The following SLC8A1 variants were observed in gnomAD, a reference collection of about 807,000 sequenced individuals.
SLC8A1 encodes sodium/calcium exchanger 1.
Under a neutral mutation model 68.3 loss-of-function variants are expected in SLC8A1, and 18 were observed. The ratio of observed to expected loss-of-function variants is 0.26; its 90% CI spans 0.18 to 0.39. SLC8A1 has a LOEUF of 0.39. Among genes scored for constraint, SLC8A1 ranks in the 10% least tolerant of loss-of-function variants. The pLI, the probability that SLC8A1 is intolerant of heterozygous loss-of-function variation, is 1.00. For missense variants in SLC8A1, 985 were observed against 1,156.7 expected (o/e 0.85, Z 2.15); for synonymous variants, 475 against 415.5 (o/e 1.14, Z -1.74).
chr2:40,216,416 T>G (rs1425178334), intron 2 of SLC8A1, among the ~76,000 whole-genome samples: 1 of 152,206 alleles, frequency 6.6e-6, no homozygotes, highest in Non-Finnish European at 1.5e-5. Flanking sequence ...GATGGGCATT[T>G]GTATTGGCTC....
At chr2:40,141,330 A>G (rs1197803560) in intron 6 of SLC8A1, among the ~76,000 whole-genome samples, 2 of 152,122 alleles carry the variant, frequency 1.3e-5, no homozygotes, top group Admixed American at 6.5e-5. Flanking sequence ...GAAAACATCT[A>G]AAGAGGAATG....
In SLC8A1 at chr2:40,492,503, T is replaced by G. The variant is rs530864561; in HGVS notation, c.-25+19846A>C. Among the ~76,000 whole-genome samples the G allele has an allele frequency of 1.1e-4, 16 of 151,916 alleles. No individual in the cohort carries two copies. In the East Asian group the frequency reaches 3.1e-3, roughly 29 times the overall value. On this transcript the variant is annotated intron_variant, in intron 1 of 7. Coordinates refer to the SLC8A1 transcript ENST00000402441. ...GCCAAAATTGACAAATGGGATCTAA[T>G]TAAACTAAAGAGCTTCTGCACAGCA...
chr2:40,500,268 A>G (rs533969719), intron 1 of SLC8A1, among the ~76,000 whole-genome samples: 3 of 152,130 alleles, frequency 2.0e-5, no homozygotes, highest in Admixed American at 1.3e-4. Context: ...TTTCCACTCT[A>G]TCTATGGACC....
intron 2 of SLC8A1, among the ~76,000 whole-genome samples, chr2:40,268,304 C>G (rs1404723397): frequency 6.6e-6 from 1 of 152,126 alleles, no homozygotes; most frequent in Non-Finnish European, 1.5e-5. Context: ...AAGTGAAATT[C>G]CTGAAAATGG....
At chr2:40,144,815 T>C (rs1035149233) in intron 6 of SLC8A1, among the ~76,000 whole-genome samples, 2 of 152,176 alleles carry the variant, frequency 1.3e-5, no homozygotes, top group African/African-American at 4.8e-5. Context: ...AATTTTATCA[T>C]ATGCATTTGA....
At chr2:40,396,364 T>C (rs1024112843) in intron 2 of SLC8A1, among the ~76,000 whole-genome samples, 21 of 152,156 alleles carry the variant, frequency 1.4e-4, no homozygotes, top group Admixed American at 1.4e-3. Flanking sequence ...TACGGTTACA[T>C]GAATCTATGA....
chr2:40,401,230 T>C (rs747327068), intron 2 of SLC8A1, among the ~76,000 whole-genome samples: 1 of 152,188 alleles, frequency 6.6e-6, no homozygotes, highest in African/African-American at 2.4e-5. Flanking sequence ...CCAAACACCA[T>C]CTACTTTCAG....
chr2:40,196,045 A>T (rs189254625), intron 2 of SLC8A1: 1,973 of 151,634 alleles, frequency 0.013, 14 homozygotes, highest in Non-Finnish European at 0.022. Context: ...ATGTCTTTCA[A>T]CTTGAAGGAG....
intron 7 of SLC8A1, among the ~76,000 whole-genome samples, chr2:40,123,942 T>G (rs1229270249): frequency 6.6e-6 from 1 of 152,238 alleles, no homozygotes; most frequent in Non-Finnish European, 1.5e-5. Context: ...TTCTCCTCCC[T>G]TCCCAATAAT....
chr2:40,133,290 T>C (rs2039766691), intron 7 of SLC8A1, among the ~76,000 whole-genome samples: 4 of 152,070 alleles, frequency 2.6e-5, no homozygotes. Context: ...TCAAGTTCTT[T>C]CTATGGAATT....
At chr2:40,450,119 T>C (rs1368805590) in intron 1 of SLC8A1, among the ~76,000 whole-genome samples, 1 of 152,150 alleles carries the variant, frequency 6.6e-6, no homozygotes, top group Admixed American at 6.5e-5. Context: ...GAGCTAGTTT[T>C]CCCTTCCTTC....
intron 2 of SLC8A1, among the ~76,000 whole-genome samples, chr2:40,368,182 C>T (rs1437709460): frequency 1.3e-5 from 2 of 152,018 alleles, no homozygotes; most frequent in South Asian, 2.1e-4. Context: ...CTAAGGACCA[C>T]TCATGGTTTG....
chr2:40,451,684 C>G (rs1221730412), intron 1 of SLC8A1, among the ~76,000 whole-genome samples: 1 of 151,736 alleles, frequency 6.6e-6, no homozygotes, highest in African/African-American at 2.4e-5. Context: ...CGAGCAATTT[C>G]ACTCTGGGAA....
At chr2:40,248,901 T>G (rs1363489556) in intron 2 of SLC8A1, among the ~76,000 whole-genome samples, 1 of 152,194 alleles carries the variant, frequency 6.6e-6, no homozygotes, top group East Asian at 1.9e-4. Flanking sequence ...CTTGTGATCA[T>G]AATTTCAGAA....
intron 2 of SLC8A1, among the ~76,000 whole-genome samples, chr2:40,389,751 T>C (rs1479659699): frequency 6.6e-6 from 1 of 151,660 alleles, no homozygotes; most frequent in African/African-American, 2.4e-5. Context: ...GTTTAAATTA[T>C]GAGAAATTGT....
chr2:40,203,806 A>G, intron 2 of SLC8A1, among the ~76,000 whole-genome samples: 1 of 151,906 alleles, frequency 6.6e-6, no homozygotes, highest in East Asian at 1.9e-4. Context: ...TCTGGGCTCA[A>G]ATGATCCTCT....
Position 40,441,955 on chromosome 2 carries a change from G to A in SLC8A1, c.-25+9949C>T, listed in dbSNP as rs1340817512. 2.0e-5 allele frequency among the ~76,000 whole-genome samples: 3 copies of A among 148,422 alleles called. No homozygotes were observed. The East Asian group carries it at 6.1e-4, about 30-fold the overall frequency. ...ACCAAAGAGCTTCTGCATAGCAAAA[G>A]AAACTAGCATCGTTTTCTTAATCCA... On this transcript the variant is annotated intron_variant, in intron 1 of 7. Transcript: ENST00000406785.
intron 2 of SLC8A1, among the ~76,000 whole-genome samples, chr2:40,420,292 C>T (rs570263661): frequency 6.6e-6 from 1 of 151,478 alleles, no homozygotes; most frequent in South Asian, 2.1e-4. Flanking sequence ...TTAGTGCTGA[C>T]ACAAGGTAAT....
rs565102560 is a variant in SLC8A1, at chr2:40,273,087, C to T, written c.1809-95232G>A. Among the ~76,000 whole-genome samples, 8 of 152,164 alleles carry T rather than the reference C, an allele frequency of 5.3e-5. 1 individual carries two copies. The South Asian group carries it at 1.0e-3, about 20-fold the overall frequency. On this transcript the variant is annotated intron_variant, in intron 2 of 7. Transcript: ENST00000406785. ...CCTCCTGAGTAGCTGGGATTACAGG[C>T]GCGCGCCACCAAGTCCGGCTAATTT...
Sources: gnomAD v4.1 joint callset for allele counts (sites outside exome capture counted in the v4.1 genomes callset) on GRCh38, gnomAD v4.1.1 for gene constraint, MANE v1.5 for transcripts, NCBI Gene and HGNC (gene_info 2026-07-23, HGNC 2026-07-21) for gene names.